POU6F2: variants seen among roughly 807,000 people sequenced by gnomAD.
POU6F2 encodes the protein POU domain, class 6, transcription factor 2.
In POU6F2, 31 loss-of-function variants were observed where a neutral mutation model predicts 71.3. The ratio of observed to expected loss-of-function variants is 0.43; its 90% CI spans 0.33 to 0.59. POU6F2 has a LOEUF of 0.59. Ranked by LOEUF, POU6F2 falls within the 20% of genes least tolerant of loss-of-function variation. The probability of loss-of-function intolerance (pLI) is 0.04; values close to 1 mark genes in which losing one functional copy is unlikely to be tolerated. For synonymous variants in POU6F2, 347 were observed against 355.7 expected, an observed-to-expected ratio of 0.98 and a Z score of 0.27; for missense variants, 783 against 856.8, an observed-to-expected ratio of 0.91 and a Z score of 1.07.
At chr7:39,411,662 AT>A (rs1280392945) in intron 6 of POU6F2, among the ~76,000 whole-genome samples, 1 of 152,210 alleles carries the variant, frequency 6.6e-6, no homozygotes, top group Non-Finnish European at 1.5e-5. Context: ...GTTTGGTGAG[AT>A]TTGGAAGGAT....
At chr7:39,132,257 C>T (rs1562717845) in intron 2 of POU6F2, 1 of 152,106 alleles carries the variant, frequency 6.6e-6, no homozygotes, top group Non-Finnish European at 1.5e-5. Flanking sequence ...ACAGTTTAAC[C>T]ATCTGAATTC....
intron 4 of POU6F2, among the ~76,000 whole-genome samples, chr7:39,248,927 C>A (rs778138331): frequency 6.6e-6 from 1 of 152,168 alleles, no homozygotes; most frequent in African/African-American, 2.4e-5. Flanking sequence ...GACATTAACA[C>A]AGAAGCATGC....
At chr7:39,139,539 T>G (rs1584563102) in intron 2 of POU6F2, among the ~76,000 whole-genome samples, 1 of 152,222 alleles carries the variant, frequency 6.6e-6, no homozygotes, top group East Asian at 1.9e-4. Flanking sequence ...TTTTGGTGGC[T>G]TTTGCTGTTT....
intron 2 of POU6F2, chr7:39,132,275 C>T (rs776150630): frequency 1.3e-5 from 2 of 152,164 alleles, no homozygotes; most frequent in Non-Finnish European, 2.9e-5. Flanking sequence ...TTCAAATTTG[C>T]TCATAATTCC....
intron 1 of POU6F2, among the ~76,000 whole-genome samples, chr7:39,041,698 A>G (rs1285157419): frequency 6.6e-6 from 1 of 151,546 alleles, no homozygotes; most frequent in Non-Finnish European, 1.5e-5. Flanking sequence ...TTTCCATCTT[A>G]TTGATGGTTT....
intron 2 of POU6F2, among the ~76,000 whole-genome samples, chr7:39,180,881 C>T (rs770312419): frequency 3.3e-5 from 5 of 152,116 alleles, no homozygotes; most frequent in Non-Finnish European, 7.4e-5. Flanking sequence ...ATAAGAACCC[C>T]TCCCACCCAT....
intron 5 of POU6F2, among the ~76,000 whole-genome samples, chr7:39,353,962 G>A (rs369116611): frequency 2.0e-5 from 3 of 152,322 alleles, no homozygotes; most frequent in Middle Eastern, 3.4e-3. Flanking sequence ...TGCCACTCCA[G>A]TGAGTTACAT....
chr7:39,422,954 C>A (rs1787885897), intron 6 of POU6F2, among the ~76,000 whole-genome samples: 1 of 152,176 alleles, frequency 6.6e-6, no homozygotes, highest in African/African-American at 2.4e-5. Flanking sequence ...GCAGCAACAT[C>A]ATCTTCCCAA....
At chr7:39,011,875 G>A (rs1405875088) in intron 1 of POU6F2, among the ~76,000 whole-genome samples, 1 of 151,312 alleles carries the variant, frequency 6.6e-6, no homozygotes, top group African/African-American at 2.4e-5. Flanking sequence ...GGCTTGTAGG[G>A]TTTCTGCCGA....
intron 1 of POU6F2, among the ~76,000 whole-genome samples, chr7:39,011,993 T>G (rs1394762240): frequency 6.6e-6 from 1 of 152,162 alleles, no homozygotes; most frequent in South Asian, 2.1e-4. Context: ...AAACTGACAA[T>G]TATGTGTCTT....
intron 4 of POU6F2, among the ~76,000 whole-genome samples, chr7:39,252,507 T>A (rs1398500564): frequency 1.3e-5 from 2 of 151,866 alleles, no homozygotes; most frequent in African/African-American, 4.8e-5. Flanking sequence ...AATAGAGACA[T>A]CTTTGCCACT....
Position 39,339,764 on chromosome 7 carries a change from C to CTA in POU6F2, c.721_722insTA (p.Pro241LeufsTer91). The CTA allele has an allele frequency of 1.3e-6, 2 of 1,587,444 alleles. No individual in the cohort carries two copies. The highest frequency in any genetic ancestry group is 8.6e-7 in the Non-Finnish European group (1 of 1,167,302). ...GCACCCGCAACCAGCCCCACAGGCG[C>CTA]CCTCGCAGTCCCAGCAGCAGCCGCT... On this transcript the variant is annotated frameshift_variant, in exon 5 of 10. Transcript: ENST00000518318. LOFTEE classifies it high-confidence loss of function.
chr7:39,191,158 T>C (rs564752946), intron 2 of POU6F2, among the ~76,000 whole-genome samples: 1 of 152,280 alleles, frequency 6.6e-6, no homozygotes, highest in East Asian at 1.9e-4. Context: ...AACCAACACT[T>C]TAATAAGGCA....
At chr7:39,089,024 G>A (rs562772978) in intron 2 of POU6F2, among the ~76,000 whole-genome samples, 1 of 152,288 alleles carries the variant, frequency 6.6e-6, no homozygotes, top group Non-Finnish European at 1.5e-5. Flanking sequence ...TGTGCAGAAT[G>A]TTTCAGTGCT....
chr7:39,211,547 G>A (rs976666736), intron 4 of POU6F2, among the ~76,000 whole-genome samples: 3 of 152,140 alleles, frequency 2.0e-5, no homozygotes, highest in Non-Finnish European at 4.4e-5. Context: ...CTGTATGTGT[G>A]GCCTGGGAAT....
chr7:39,094,786 A>G (rs1286633699), intron 2 of POU6F2, among the ~76,000 whole-genome samples: 1 of 152,136 alleles, frequency 6.6e-6, no homozygotes, highest in Non-Finnish European at 1.5e-5. Context: ...AAAAATTATT[A>G]TTGCACATGA....
chr7:39,237,968 G>A (rs1794703680), intron 4 of POU6F2, among the ~76,000 whole-genome samples: 1 of 152,108 alleles, frequency 6.6e-6, no homozygotes, highest in Admixed American at 6.5e-5. Context: ...TCTAGGCCCT[G>A]GTTGTTCTTG....
intron 8 of POU6F2, among the ~76,000 whole-genome samples, chr7:39,455,214 G>C (rs146431317): frequency 3.3e-5 from 5 of 152,146 alleles, no homozygotes; most frequent in African/African-American, 4.8e-5. Flanking sequence ...TTAGGGTTTT[G>C]ATCACTTGCT....
intron 4 of POU6F2, among the ~76,000 whole-genome samples, chr7:39,332,370 T>A (rs1398793242): frequency 6.6e-6 from 1 of 152,232 alleles, no homozygotes; most frequent in Non-Finnish European, 1.5e-5. Context: ...CTCTCTTGAG[T>A]GACTTCAACG....
Sources: gnomAD v4.1 joint callset for allele counts (sites outside exome capture counted in the v4.1 genomes callset) on GRCh38, gnomAD v4.1.1 for gene constraint, MANE v1.5 for transcripts, NCBI Gene and HGNC (gene_info 2026-07-23, HGNC 2026-07-21) for gene names.